CYS1: variants seen among roughly 807,000 people sequenced by gnomAD.
CYS1 encodes the protein cystin-1.
CYS1 carries 5 observed loss-of-function variants against 9.6 expected under a neutral mutation model. That is an observed-to-expected ratio of 0.52 (90% CI 0.27 to 1.10). CYS1 has a LOEUF of 1.10. Among genes scored for constraint, CYS1 ranks in the 50% least tolerant of loss-of-function variants. The pLI, the probability that CYS1 is intolerant of heterozygous loss-of-function variation, is 0.11. For synonymous variants in CYS1, 88 were observed against 95.7 expected, an observed-to-expected ratio of 0.92 and a Z score of 0.47; for missense variants, 221 against 207.9, an observed-to-expected ratio of 1.06 and a Z score of -0.39.
rs1661549544 is a variant in CYS1, at chr2:10,056,479, G to A, written c.*2374C>T. On this transcript the variant is annotated 3_prime_UTR_variant, in exon 3 of 3. Transcript: ENST00000381813. ...AAAGAAACCGGGAGACACATTTGTG[G>A]TCACTTAAGATTTTTCCAGACAACA... is the stretch of plus-strand genomic sequence containing the variant. 1.3e-5 allele frequency among the ~76,000 whole-genome samples: 2 copies of A among 152,238 alleles called. No individual in the cohort carries two copies. The highest frequency in any genetic ancestry group is 2.9e-5 in the Non-Finnish European group (2 of 68,042).
At chr2:10,069,679 TA>T (rs201401265) in intron 1 of CYS1, among the ~76,000 whole-genome samples, 4 of 152,158 alleles carry the variant, frequency 2.6e-5, no homozygotes, top group South Asian at 4.1e-4. Flanking sequence ...AAAAAATATT[TA>T]AAAAAAATTT....
At chr2:10,061,323 T>C (rs1476222784) in intron 2 of CYS1, among the ~76,000 whole-genome samples, 1 of 152,248 alleles carries the variant, frequency 6.6e-6, no homozygotes, top group South Asian at 2.1e-4. Context: ...ACCCGGCCAC[T>C]GCCCTTCCTG....
rs1572454261 is a variant in CYS1 at position 10,061,710 on chromosome 2, G to T, written c.372-2752C>A. Among the ~76,000 whole-genome samples, 4 of 152,306 alleles carry T rather than the reference G, an allele frequency of 2.6e-5. No individual in the cohort carries two copies. The East Asian group carries it at 7.7e-4, about 29-fold the overall frequency. ...GCCCTGGGGCTAGGGTGAGTAGGAC[G>T]GTAGGCAGTCCTGGGTCTGTGAGAG... is the stretch of plus-strand genomic sequence containing the variant. On this transcript the variant is annotated intron_variant, in intron 2 of 2. Transcript: ENST00000381813.
Position 10,076,716 on chromosome 2 carries a change from C to A in CYS1, c.318+3190G>T, listed in dbSNP as rs1226936796. ...TTGAACAGCGTGCTCAACCCCTGGC[C>A]TCGTCCCACGTTAGTTCACATACAC... On this transcript the variant is annotated intron_variant, in intron 1 of 2. Coordinates refer to ENST00000381813, the MANE Select transcript of CYS1 (RefSeq NM_001037160.3). The surrounding 1 kb of genome is among the most constrained non-coding windows in gnomAD (Gnocchi z 4.3). Among the ~76,000 whole-genome samples the A allele has an allele frequency of 6.6e-6, 1 of 152,184 alleles. No homozygotes were observed. The highest frequency in any genetic ancestry group is 2.4e-5 in the African/African-American group (1 of 41,436).
At chr2:10,079,622 C>T (rs1661910366) in intron 1 of CYS1, among the ~76,000 whole-genome samples, 1 of 151,884 alleles carries the variant, frequency 6.6e-6, no homozygotes, top group African/African-American at 2.4e-5. Flanking sequence ...GGCGGGGCCG[C>T]GGGCCCGAGG....
chr2:10,079,365 C>T (rs1274550217), intron 1 of CYS1, among the ~76,000 whole-genome samples: 1 of 152,186 alleles, frequency 6.6e-6, no homozygotes, highest in Non-Finnish European at 1.5e-5. Context: ...AGACGGTTGC[C>T]AAACCAGAGT....
intron 2 of CYS1, among the ~76,000 whole-genome samples, chr2:10,064,896 G>GT (rs77778372): frequency 0.041 from 5,352 of 131,664 alleles, 257 homozygotes; most frequent in African/African-American, 0.12. Context: ...TTTTGTTTTT[G>GT]TTTTTTTTTT....
In CYS1 at chr2:10,076,567, C is replaced by T. The variant is rs576089532; in HGVS notation, c.318+3339G>A. Among the ~76,000 whole-genome samples the T allele has an allele frequency of 5.9e-5, 9 of 152,328 alleles. No individual in the cohort carries two copies. Among genetic ancestry groups the T allele is most frequent in the African/African-American group, 2.2e-4 (9 of 41,568 alleles). On this transcript the variant is annotated intron_variant, in intron 1 of 2. Transcript: ENST00000381813. This position sits in a 1 kb window ranked among gnomAD's most constrained non-coding sequence, Gnocchi z 4.3. ...GGCTTCCCGCATATATCCCACCAAG[C>T]AGCACTTCCAGCAGCTGAGCACGCC...
chr2:10,074,937 C>T (rs890095660), intron 1 of CYS1, among the ~76,000 whole-genome samples: 8 of 152,232 alleles, frequency 5.3e-5, no homozygotes, highest in African/African-American at 1.9e-4. Flanking sequence ...CATGGCGAAA[C>T]CCCGTCTCTA....
intron 2 of CYS1, among the ~76,000 whole-genome samples, chr2:10,060,606 G>A (rs761384917): frequency 2.6e-5 from 4 of 152,236 alleles, no homozygotes; most frequent in Admixed American, 6.5e-5. Flanking sequence ...AAACAGCTGC[G>A]TGGTCACTGT....
In CYS1 at chr2:10,058,836, G is replaced by C. The variant is rs1661587235; in HGVS notation, c.*17C>G. On this transcript the variant is annotated 3_prime_UTR_variant, in exon 3 of 3. Transcript: ENST00000381813. ...GCAGGTGCCTCCGAGGCCTGGCGGGGGTGGAGCATGCTGTCCTCAGCGGCA... is the reference window on the plus strand; with the variant it reads ...GCAGGTGCCTCCGAGGCCTGGCGGGCGTGGAGCATGCTGTCCTCAGCGGCA... 4.5e-6 allele frequency: 7 copies of C among 1,545,914 alleles called. No homozygotes were observed. The highest frequency in any genetic ancestry group is 6.1e-6 in the Non-Finnish European group (7 of 1,143,196).
At chr2:10,070,117 G>A (rs6432057) in intron 1 of CYS1, among the ~76,000 whole-genome samples, 101,851 of 151,958 alleles carry the variant, frequency 0.67, 34,178 homozygotes, top group East Asian at 0.77. Flanking sequence ...TAGGGTCACT[G>A]TGAACGCTCA....
chr2:10,066,497 G>A (rs1281541591), intron 1 of CYS1, among the ~76,000 whole-genome samples: 4 of 152,212 alleles, frequency 2.6e-5, no homozygotes, highest in Non-Finnish European at 5.9e-5. Flanking sequence ...CTCTTCATAA[G>A]GCCAGGACGT....
chr2:10,065,440 G>A (rs1266792082), intron 2 of CYS1, among the ~76,000 whole-genome samples: 1 of 152,196 alleles, frequency 6.6e-6, no homozygotes, highest in Non-Finnish European at 1.5e-5. Context: ...TTTAAAGGAG[G>A]AAATGAGCCC....
chr2:10,061,864 G>A (rs1025420774), intron 2 of CYS1, among the ~76,000 whole-genome samples: 2 of 152,166 alleles, frequency 1.3e-5, no homozygotes, highest in African/African-American at 4.8e-5. Context: ...TCCCCTGCTT[G>A]GGTGGGGGCA....
At position 10,056,500 on chromosome 2, in the gene CYS1, C is replaced by A. The variant is rs551970282; in HGVS notation, c.*2353G>T. Among the ~76,000 whole-genome samples, 2 of 152,362 alleles carry A rather than the reference C, an allele frequency of 1.3e-5. No individual in the cohort carries two copies. The highest frequency in any genetic ancestry group is 4.1e-4 in the South Asian group (2 of 4,828). ...TGTGGTCACTTAAGATTTTTCCAGA[C>A]AACAACGTGCGTCATTTTTGCCTTT... On this transcript the variant is annotated 3_prime_UTR_variant, in exon 3 of 3. Transcript: ENST00000381813.
intron 2 of CYS1, among the ~76,000 whole-genome samples, chr2:10,064,171 C>T (rs180926602): frequency 6.3e-4 from 95 of 151,718 alleles, no homozygotes; most frequent in African/African-American, 2.2e-3. Flanking sequence ...TGCGGTGAGC[C>T]GAGATCGTAC....
intron 1 of CYS1, among the ~76,000 whole-genome samples, chr2:10,068,008 C>G (rs1029626364): frequency 2.0e-5 from 3 of 152,070 alleles, no homozygotes; most frequent in African/African-American, 7.2e-5. Flanking sequence ...GTAGTTTCTT[C>G]TCCAGCTATC....
At chr2:10,070,941 G>A (rs1019337695) in intron 1 of CYS1, among the ~76,000 whole-genome samples, 3 of 151,970 alleles carry the variant, frequency 2.0e-5, no homozygotes, top group Non-Finnish European at 4.4e-5. Context: ...GAGCCACCAC[G>A]CCCAGCCTGA....
Sources: gnomAD v4.1 joint callset for allele counts (sites outside exome capture counted in the v4.1 genomes callset) on GRCh38, gnomAD v4.1.1 for gene constraint, Gnocchi (gnomAD v3.1) non-coding constraint, MANE v1.5 for transcripts, NCBI Gene and HGNC (gene_info 2026-07-23, HGNC 2026-07-21) for gene names.